Variants in NLGN1 observed in about 807,000 individuals in gnomAD.
NLGN1 encodes the protein neuroligin-1.
A neutral mutation model predicts 65.5 loss-of-function variants in NLGN1; 12 were observed. The observed-to-expected ratio is 0.18, with a 90% CI of 0.12 to 0.30. The LOEUF (loss-of-function observed/expected upper bound fraction) is 0.30. NLGN1 is among the 10% of genes least tolerant of loss of function. NLGN1 has a pLI of 1.00. For missense variants in NLGN1, 750 were observed against 1,007.1 expected, an observed-to-expected ratio of 0.74 and a Z score of 3.46; for synonymous variants, 350 against 359.5, an observed-to-expected ratio of 0.97 and a Z score of 0.30.
At chr3:174,021,686 T>C (rs928866914) in intron 4 of NLGN1, among the ~76,000 whole-genome samples, 7 of 152,166 alleles carry the variant, frequency 4.6e-5, no homozygotes, top group African/African-American at 1.7e-4. Flanking sequence ...TAAGCACATC[T>C]GAGAAAATTA....
In NLGN1 at chr3:174,013,716, A is replaced by ATTTG. The variant is rs573783825; in HGVS notation, c.646+205897_646+205900dup. Among the ~76,000 whole-genome samples the ATTTG allele has an allele frequency of 2.1e-4, 32 of 151,852 alleles. No homozygotes were observed. In the South Asian group the frequency reaches 5.8e-3, roughly 28 times the overall value. On this transcript the variant is annotated intron_variant, in intron 4 of 6. Coordinates refer to ENST00000457714, the Ensembl canonical transcript of NLGN1. ...ATGTTTTCTTTTCTTTCAGTTTTTT[A>ATTTG]TTTGTTTGTTTGTTTGAGACAAGGT... is the stretch of plus-strand genomic sequence containing the variant.
At chr3:173,404,129 T>C (rs1255412840) in intron 1 of NLGN1, among the ~76,000 whole-genome samples, 1 of 152,218 alleles carries the variant, frequency 6.6e-6, no homozygotes. Flanking sequence ...ATATTTATTT[T>C]GCTGTATGAG....
At chr3:173,682,584 GTC>G in intron 3 of NLGN1, among the ~76,000 whole-genome samples, 1 of 89,108 alleles carries the variant, frequency 1.1e-5, no homozygotes, top group South Asian at 4.7e-4. Context: ...GTGAGACACT[GTC>G]TCAAAAAAAA....
At chr3:173,996,205 A>G (rs1053840724) in intron 4 of NLGN1, among the ~76,000 whole-genome samples, 7 of 152,194 alleles carry the variant, frequency 4.6e-5, no homozygotes, top group African/African-American at 1.2e-4. Context: ...CTCAGCATCT[A>G]TAATTTACAT....
At chr3:174,160,365 C>CA (rs1431653334) in intron 4 of NLGN1, among the ~76,000 whole-genome samples, 1 of 151,564 alleles carries the variant, frequency 6.6e-6, no homozygotes, top group Non-Finnish European at 1.5e-5. Flanking sequence ...CTCCCCTGCC[C>CA]AAAATAGGAA....
intron 3 of NLGN1, among the ~76,000 whole-genome samples, chr3:173,754,402 A>T (rs1284501263): frequency 6.6e-6 from 1 of 152,034 alleles, no homozygotes; most frequent in Non-Finnish European, 1.5e-5. Flanking sequence ...TACTACATGA[A>T]ATTGCAATGC....
chr3:173,991,792 G>GTGT (rs141289146), intron 4 of NLGN1, among the ~76,000 whole-genome samples: 1,855 of 152,066 alleles, frequency 0.012, 30 homozygotes, highest in African/African-American at 0.04. Context: ...TGGAGAACTT[G>GTGT]TGTTTTTTTG....
intron 4 of NLGN1, among the ~76,000 whole-genome samples, chr3:174,185,274 AC>A (rs1237277377): frequency 6.6e-6 from 1 of 151,942 alleles, no homozygotes; most frequent in East Asian, 1.9e-4. Flanking sequence ...TCTTTATCCC[AC>A]CAGTTCACTC....
chr3:173,822,583 T>G (rs1720534883), intron 4 of NLGN1, among the ~76,000 whole-genome samples: 1 of 152,258 alleles, frequency 6.6e-6, no homozygotes. Context: ...ATTATGTATA[T>G]GCAAATATTC....
intron 4 of NLGN1, among the ~76,000 whole-genome samples, chr3:174,114,594 T>G (rs1332088943): frequency 6.6e-6 from 1 of 152,154 alleles, no homozygotes; most frequent in African/African-American, 2.4e-5. Context: ...TAGCCATCTT[T>G]TCTCTTTTTT....
At chr3:173,778,455 G>C (rs902846134) in intron 3 of NLGN1, among the ~76,000 whole-genome samples, 2 of 151,796 alleles carry the variant, frequency 1.3e-5, no homozygotes, top group Non-Finnish European at 3.0e-5. Flanking sequence ...GATGGCTCTT[G>C]CTGGCACAAG....
intron 2 of NLGN1, among the ~76,000 whole-genome samples, chr3:173,486,991 T>A (rs1020660372): frequency 1.3e-5 from 2 of 151,870 alleles, no homozygotes; most frequent in African/African-American, 4.8e-5. Flanking sequence ...CCTGTTATCA[T>A]CTTTATTGTA....
intron 4 of NLGN1, among the ~76,000 whole-genome samples, chr3:173,886,593 C>T (rs1479533993): frequency 6.6e-6 from 1 of 151,940 alleles, no homozygotes; most frequent in Non-Finnish European, 1.5e-5. Context: ...AGAACTTATA[C>T]TATATATAAG....
At chr3:174,193,559 C>T (rs532531795) in intron 4 of NLGN1, among the ~76,000 whole-genome samples, 1 of 152,160 alleles carries the variant, frequency 6.6e-6, no homozygotes, top group Non-Finnish European at 1.5e-5. Context: ...CTTACGACTC[C>T]ATTGATCTTC....
At chr3:173,765,560 T>C (rs1258772097) in intron 3 of NLGN1, among the ~76,000 whole-genome samples, 2 of 152,170 alleles carry the variant, frequency 1.3e-5, no homozygotes, top group East Asian at 1.9e-4. Flanking sequence ...CCTGAGACAG[T>C]GCCTTGGGAG....
At chr3:174,130,524 G>C (rs1387085737) in intron 4 of NLGN1, among the ~76,000 whole-genome samples, 1 of 151,990 alleles carries the variant, frequency 6.6e-6, no homozygotes, top group African/African-American at 2.4e-5. Context: ...TATAATGAAA[G>C]AAAGGAATAA....
rs140331992 is a variant in NLGN1, at chr3:174,086,183, A to ATGTG, written c.647-189113_647-189110dup. On this transcript the variant is annotated intron_variant, in intron 4 of 6. Coordinates refer to ENST00000457714, the Ensembl canonical transcript of NLGN1. ...CAGGAATATTTGATGAAGTATATAT[A>ATGTG]TGTGTGTGTGTGTGTGTGTGTGCGT... is the stretch of plus-strand genomic sequence containing the variant. Among the ~76,000 whole-genome samples the ATGTG allele has an allele frequency of 4.8e-3, 688 of 143,948 alleles. 3 individuals carry two copies. The highest frequency in any genetic ancestry group is 0.04 in the Middle Eastern group (11 of 278). 94.4% of individuals were successfully genotyped at this position (143,948 alleles called of 152,430 possible).
At chr3:173,856,645 G>T (rs1440761449) in intron 4 of NLGN1, among the ~76,000 whole-genome samples, 2 of 152,052 alleles carry the variant, frequency 1.3e-5, no homozygotes, top group African/African-American at 4.8e-5. Context: ...AACCAAATCT[G>T]GGAAAACGGA....
chr3:173,840,654 C>T (rs74898695), intron 4 of NLGN1, among the ~76,000 whole-genome samples: 15,184 of 152,166 alleles, frequency 0.1, 794 homozygotes, highest in Middle Eastern at 0.14. Flanking sequence ...CTTCCTTCAT[C>T]GAATCATTAG....
Sources: gnomAD v4.1 joint callset for allele counts (sites outside exome capture counted in the v4.1 genomes callset) on GRCh38, gnomAD v4.1.1 for gene constraint, MANE v1.5 for transcripts, NCBI Gene and HGNC (gene_info 2026-07-23, HGNC 2026-07-21) for gene names.